TTLL11: variants seen among roughly 807,000 people sequenced by gnomAD.
The protein encoded by TTLL11 is tubulin polyglutamylase TTLL11.
TTLL11 carries 42 observed loss-of-function variants against 51.7 expected under a neutral mutation model. That is an observed-to-expected ratio of 0.81 (90% CI 0.64 to 1.05). TTLL11 has a LOEUF of 1.05. TTLL11 is among the 50% of genes least tolerant of loss of function. TTLL11 has a pLI of 0.00. For missense variants in TTLL11, 799 were observed against 940.4 expected (o/e 0.85, Z 1.97); for synonymous variants, 381 against 383.5 (o/e 0.99, Z 0.08).
At chr9:121,913,179 AT>A (rs1294307305) in intron 6 of TTLL11, among the ~76,000 whole-genome samples, 1 of 152,130 alleles carries the variant, frequency 6.6e-6, no homozygotes, top group African/African-American at 2.4e-5. Flanking sequence ...TCATAAGAGC[AT>A]TTTCCACAGC....
chr9:122,012,206 A>G (rs1048787030), intron 3 of TTLL11, among the ~76,000 whole-genome samples: 17 of 152,176 alleles, frequency 1.1e-4, no homozygotes, highest in African/African-American at 4.1e-4. Flanking sequence ...TGAAGTCAAG[A>G]TTGGCTCTGC....
At chr9:121,973,279 G>A (rs1386913242) in intron 6 of TTLL11, among the ~76,000 whole-genome samples, 1 of 152,130 alleles carries the variant, frequency 6.6e-6, no homozygotes, top group East Asian at 1.9e-4. Context: ...CATTAAATTG[G>A]CCCTGCCAAT....
At chr9:122,015,811 A>C (rs530208019) in intron 3 of TTLL11, among the ~76,000 whole-genome samples, 1 of 151,412 alleles carries the variant, frequency 6.6e-6, no homozygotes, top group South Asian at 2.1e-4. Flanking sequence ...AAGAGACAAA[A>C]AAAAAAAAAA....
intron 2 of TTLL11, among the ~76,000 whole-genome samples, chr9:122,036,211 G>T (rs1844696798): frequency 6.6e-6 from 1 of 151,778 alleles, no homozygotes; most frequent in South Asian, 2.1e-4. Flanking sequence ...TATAGCCCCA[G>T]AGCCCAGACC....
intron 6 of TTLL11, among the ~76,000 whole-genome samples, chr9:121,939,865 T>C (rs1315916891): frequency 6.6e-6 from 1 of 152,100 alleles, no homozygotes; most frequent in Non-Finnish European, 1.5e-5. Context: ...CGTCCAGGCT[T>C]CAGCTGCTTG....
chr9:121,850,962 T>C (rs753513468), intron 8 of TTLL11, among the ~76,000 whole-genome samples: 3 of 152,210 alleles, frequency 2.0e-5, no homozygotes, highest in African/African-American at 4.8e-5. Flanking sequence ...AGTCAGTGAA[T>C]AGACGAACAA....
intron 3 of TTLL11, among the ~76,000 whole-genome samples, chr9:121,992,379 A>T (rs556499726): frequency 2.1e-4 from 32 of 152,346 alleles, no homozygotes; most frequent in Non-Finnish European, 3.4e-4. Flanking sequence ...GTTGGCTCTT[A>T]AAAAGAAGTC....
chr9:121,832,899 C>A (rs1837065743), intron 8 of TTLL11, among the ~76,000 whole-genome samples: 1 of 152,202 alleles, frequency 6.6e-6, no homozygotes, highest in Non-Finnish European at 1.5e-5. Flanking sequence ...GAGATTGCAT[C>A]AGTGCACTCC....
Position 121,822,866 on chromosome 9 carries a change from C to CT in TTLL11, c.1853dup (p.Ala619GlyfsTer21). On this transcript the variant is annotated frameshift_variant, in exon 9 of 9. Transcript: ENST00000321582. LOFTEE classifies it low-confidence loss of function (END_TRUNC). This position sits in a 1 kb window ranked among gnomAD's most constrained non-coding sequence, Gnocchi z 5.8. The stretch of plus-strand genomic sequence containing the variant: ...GGAAAAAGAAAGCTTCTACGAAGGC[C>CT]TGCAGACACATCCCTGTGAACAAAG... The CT allele has an allele frequency of 6.4e-7, 1 of 1,550,540 alleles. No homozygotes were observed. The highest frequency in any genetic ancestry group is 1.4e-5 in the African/African-American group (1 of 73,116).
At chr9:122,040,340 A>G (rs971969329) in intron 1 of TTLL11, 3 of 985,046 alleles carry the variant, frequency 3.0e-6, no homozygotes, top group African/African-American at 1.7e-5. Context: ...CAAGCTATAG[A>G]GTTTCAATTA....
chr9:121,875,337 T>C (rs531508988), intron 6 of TTLL11, among the ~76,000 whole-genome samples: 1 of 152,318 alleles, frequency 6.6e-6, no homozygotes, highest in African/African-American at 2.4e-5. Flanking sequence ...AACCAGCAAA[T>C]TGTCTTTCTC....
At chr9:121,925,760 C>T (rs1840705871) in intron 6 of TTLL11, among the ~76,000 whole-genome samples, 1 of 152,172 alleles carries the variant, frequency 6.6e-6, no homozygotes, top group Admixed American at 6.5e-5. Flanking sequence ...AGTCCAGAGC[C>T]TGGAACGGCA....
intron 1 of TTLL11, among the ~76,000 whole-genome samples, chr9:122,052,563 C>A (rs972568482): frequency 6.6e-6 from 1 of 152,228 alleles, no homozygotes; most frequent in African/African-American, 2.4e-5. Flanking sequence ...CTGGTTTCTT[C>A]TTCTCTTCCA....
chr9:121,852,901 C>T (rs976718367), intron 8 of TTLL11, among the ~76,000 whole-genome samples: 5 of 152,226 alleles, frequency 3.3e-5, no homozygotes, highest in Non-Finnish European at 7.3e-5. Flanking sequence ...ACACCTCGCA[C>T]GAGGCGCTGC....
intron 1 of TTLL11, among the ~76,000 whole-genome samples, chr9:122,076,158 C>A (rs759140074): frequency 1.3e-4 from 20 of 152,146 alleles, no homozygotes; most frequent in Admixed American, 4.6e-4. Context: ...CTGTCTGTCC[C>A]AGGGCCAACA....
rs186086777 is a variant in TTLL11, at chr9:121,843,025, C to T, written c.1840+17312G>A. Among the ~76,000 whole-genome samples the T allele has an allele frequency of 1.3e-4, 20 of 152,142 alleles. No homozygotes were observed. The East Asian group carries it at 1.4e-3, about 10-fold the overall frequency. On this transcript the variant is annotated intron_variant, in intron 8 of 8. Coordinates refer to ENST00000321582, the MANE Select transcript of TTLL11 (RefSeq NM_001139442.2). Reference sequence around the variant, plus strand: ...AGAGGACTTTTAGTTTCAGCTCTGACGCATAAAGAGCTTAGAAGTCATTGC... The same window carrying T: ...AGAGGACTTTTAGTTTCAGCTCTGATGCATAAAGAGCTTAGAAGTCATTGC...
At position 121,973,990 on chromosome 9, in the gene TTLL11, G is replaced by C. The variant is rs954128796; in HGVS notation, c.1481+19C>G. 7 of 1,536,140 alleles carry C rather than the reference G, an allele frequency of 4.6e-6. No homozygotes were observed. In the African/African-American group the frequency reaches 9.6e-5, roughly 21 times the overall value. Reference sequence around the variant, plus strand: ...GGAGGCAGAGTTGATAGAAATGAATGACATAAAAAAGTACTTACTGATTCT... The same window carrying C: ...GGAGGCAGAGTTGATAGAAATGAATCACATAAAAAAGTACTTACTGATTCT... On this transcript the variant is annotated intron_variant, in intron 6 of 8. Coordinates refer to ENST00000321582, the MANE Select transcript of TTLL11 (RefSeq NM_001139442.2).
At chr9:122,086,398 T>C (rs1301211380) in intron 1 of TTLL11, among the ~76,000 whole-genome samples, 1 of 152,178 alleles carries the variant, frequency 6.6e-6, no homozygotes, top group Non-Finnish European at 1.5e-5. Flanking sequence ...AAGGAGAACA[T>C]TTGATGGAGT....
rs1284840871 is a variant in TTLL11 at position 121,921,782 on chromosome 9, C to A, written c.1482-51034G>T. Among the ~76,000 whole-genome samples the A allele has an allele frequency of 2.0e-5, 3 of 152,240 alleles. No individual in the cohort carries two copies. In the East Asian group the frequency reaches 5.8e-4, roughly 29 times the overall value. On this transcript the variant is annotated intron_variant, in intron 6 of 8. Coordinates refer to ENST00000321582, the MANE Select transcript of TTLL11 (RefSeq NM_001139442.2). ...CAGATGGTGGAGAAGGGTAGAGAGG[C>A]CTGCAAGGAAGCCTTGGGCTAGATA...
Sources: gnomAD v4.1 joint callset for allele counts (sites outside exome capture counted in the v4.1 genomes callset) on GRCh38, gnomAD v4.1.1 for gene constraint, Gnocchi (gnomAD v3.1) non-coding constraint, MANE v1.5 for transcripts, NCBI Gene and HGNC (gene_info 2026-07-23, HGNC 2026-07-21) for gene names.